The following SELENOI variants were observed in gnomAD, a reference collection of about 807,000 sequenced individuals.
SELENOI encodes the protein ethanolaminephosphotransferase 1.
Under a neutral mutation model 50.7 loss-of-function variants are expected in SELENOI, and 24 were observed. The observed-to-expected ratio is 0.47, with a 90% CI of 0.34 to 0.67. The LOEUF (loss-of-function observed/expected upper bound fraction) is 0.67. SELENOI is among the 30% of genes least tolerant of loss of function. The pLI is 0.01. For missense variants in SELENOI, 352 were observed against 461.4 expected, an observed-to-expected ratio of 0.76 and a Z score of 2.17; for synonymous variants, 155 against 170.2, an observed-to-expected ratio of 0.91 and a Z score of 0.70.
intron 4 of SELENOI, among the ~76,000 whole-genome samples, chr2:26,368,371 A>G (rs1276247047): frequency 6.6e-6 from 1 of 152,202 alleles, no homozygotes; most frequent in Non-Finnish European, 1.5e-5. Flanking sequence ...AAAAGTTGAG[A>G]GTGGCTGTGA....
chr2:26,386,523 A>T lies in SELENOI; in HGVS notation c.1082A>T (p.Tyr361Phe). Residue 361 changes from tyrosine (Y) to phenylalanine (F), a missense_variant, in exon 9 of 10, where the codon TAT becomes TTT. Coordinates refer to ENST00000260585, the MANE Select transcript of SELENOI (RefSeq NM_033505.4). ...TTAFTLAHIH[Y>F]GVRVVKQLSS... ...GCTTTTACTCTGGCCCACATCCATT[A>T]TGGAGTACGAGTGGTGAGTAATCTA... 1 of 1,610,152 alleles carries T rather than the reference A, an allele frequency of 6.2e-7. No individual in the cohort carries two copies. Among genetic ancestry groups the T allele is most frequent in the Non-Finnish European group, 8.5e-7 (1 of 1,178,450 alleles).
Position 26,393,381 on chromosome 2 carries a change from C to G in SELENOI, c.*4278C>G, listed in dbSNP as rs1558425703. On this transcript the variant is annotated 3_prime_UTR_variant, in exon 10 of 10. Coordinates refer to ENST00000260585, the MANE Select transcript of SELENOI (RefSeq NM_033505.4). ...AAATATGCAATAGATAGTAATCTAT[C>G]TACTTTTTTTAAAGCAGGGATCTGC... The G allele has an allele frequency of 6.6e-6, 1 of 152,592 alleles. No homozygotes were observed. Among genetic ancestry groups the G allele is most frequent in the Non-Finnish European group, 1.5e-5 (1 of 68,018 alleles). 9.5% of individuals were successfully genotyped at this position (152,592 alleles called of 1,614,324 possible).
At chr2:26,365,028 T>C in intron 3 of SELENOI, 88 bp downstream of exon 3, 1 of 984,230 alleles carries the variant, frequency 1.0e-6, no homozygotes, top group Non-Finnish European at 1.4e-6. Flanking sequence ...AAAATGTTCA[T>C]ATTTCTAAAA....
At chr2:26,362,134 C>T (rs1281101996) in intron 1 of SELENOI, among the ~76,000 whole-genome samples, 4 of 152,008 alleles carry the variant, frequency 2.6e-5, no homozygotes, top group African/African-American at 4.8e-5. Context: ...CTTGCTCTGT[C>T]GCCCAGGCTG....
rs539044873 is a variant in SELENOI, at chr2:26,362,753, C to G, written c.58-1549C>G. Among the ~76,000 whole-genome samples, 188 of 141,558 alleles carry G rather than the reference C, an allele frequency of 1.3e-3. 1 individual carries two copies. The highest frequency in any genetic ancestry group is 4.7e-3 in the African/African-American group (178 of 38,114). 92.9% of individuals were successfully genotyped at this position (141,558 alleles called of 152,430 possible). A position where few individuals can be genotyped will look rare whatever the true frequency, so the allele number is the denominator to read the frequency against. ...CCTGGGTGACAGAGCGACTCTGTCT[C>G]AAAAAAAAGAAAAAAAAAAGAAAAA... On this transcript the variant is annotated intron_variant, in intron 1 of 9. Coordinates refer to ENST00000260585, the MANE Select transcript of SELENOI (RefSeq NM_033505.4).
intron 7 of SELENOI, among the ~76,000 whole-genome samples, chr2:26,383,921 G>A (rs1677783343): frequency 1.3e-5 from 2 of 152,154 alleles, no homozygotes; most frequent in Admixed American, 1.3e-4. Context: ...AATGTGTGTA[G>A]TTTAGGACCA....
intron 1 of SELENOI, chr2:26,346,600 A>T (rs977390890): frequency 4.2e-6 from 1 of 238,694 alleles, no homozygotes; most frequent in Non-Finnish European, 8.1e-6. Context: ...CCCCGAAAGG[A>T]TGGAGTTCCT....
intron 6 of SELENOI, among the ~76,000 whole-genome samples, chr2:26,382,398 T>A (rs1572336729): frequency 6.6e-6 from 1 of 152,174 alleles, no homozygotes; most frequent in Non-Finnish European, 1.5e-5. Flanking sequence ...TAGTGGATAG[T>A]CAACCAAGGC....
chr2:26,349,776 A>T (rs1200066247), intron 1 of SELENOI, among the ~76,000 whole-genome samples: 1 of 134,932 alleles, frequency 7.4e-6, no homozygotes, highest in Non-Finnish European at 1.5e-5. Context: ...TGCCTAAGGG[A>T]GGAAATATTC....
intron 1 of SELENOI, among the ~76,000 whole-genome samples, chr2:26,356,632 T>C (rs1677070017): frequency 6.6e-6 from 1 of 152,170 alleles, no homozygotes; most frequent in Non-Finnish European, 1.5e-5. Flanking sequence ...AAACCCATAA[T>C]TGTCACTTGC....
chr2:26,369,492 C>G (rs1677362957), intron 4 of SELENOI, among the ~76,000 whole-genome samples: 1 of 152,090 alleles, frequency 6.6e-6, no homozygotes, highest in Non-Finnish European at 1.5e-5. Flanking sequence ...TCTTCTTGTC[C>G]TTAGGCCTTA....
At chr2:26,381,198 C>CTTTTTTTTGTTTTTTTTTTTTTTT (rs1677689983) in intron 6 of SELENOI, among the ~76,000 whole-genome samples, 1 of 30,188 alleles carries the variant, frequency 3.3e-5, no homozygotes, top group African/African-American at 1.8e-4. Context: ...TCAGTTTGGT[C>CTTTTTTTTGTTTTTTTTTTTTTTT]TTTTTTTTTT....
chr2:26,370,387 C>T (rs977755114), intron 4 of SELENOI, among the ~76,000 whole-genome samples: 4 of 151,402 alleles, frequency 2.6e-5, no homozygotes, highest in African/African-American at 7.3e-5. Context: ...ACCTCCCAGA[C>T]GGGGTGGTGG....
rs397726675 is a variant in SELENOI at position 26,391,721 on chromosome 2, A to AT, written c.*2618_*2619insT. ...TCTTTTTAGGTTATGGTATTAAAAAAGTCGTTTCAGGCTTATCAGATAATA... is the reference window on the plus strand; with the variant it reads ...TCTTTTTAGGTTATGGTATTAAAAAATGTCGTTTCAGGCTTATCAGATAATA... On this transcript the variant is annotated 3_prime_UTR_variant, in exon 10 of 10. Transcript: ENST00000260585. The AT allele has an allele frequency of 5.3e-5, 8 of 151,526 alleles. No individual in the cohort carries two copies. The highest frequency in any genetic ancestry group is 1.0e-4 in the Non-Finnish European group (7 of 67,868). 9.4% of individuals were successfully genotyped at this position (151,526 alleles called of 1,614,324 possible).
chr2:26,380,281 CTT>C (rs1486721997), intron 6 of SELENOI, among the ~76,000 whole-genome samples: 17 of 152,232 alleles, frequency 1.1e-4, no homozygotes, highest in Admixed American at 3.3e-4. Flanking sequence ...TATGGCTTAT[CTT>C]TTCATTGTTT....
At chr2:26,380,524 C>T (rs762345949) in intron 6 of SELENOI, among the ~76,000 whole-genome samples, 1 of 152,158 alleles carries the variant, frequency 6.6e-6, no homozygotes, top group Non-Finnish European at 1.5e-5. Flanking sequence ...GTCCAACCAT[C>T]CCCCTATCAA....
chr2:26,363,171 A>G (rs72852731), intron 1 of SELENOI, among the ~76,000 whole-genome samples: 176 of 152,302 alleles, frequency 1.2e-3, no homozygotes, highest in African/African-American at 4.0e-3. Flanking sequence ...TACTTAAAAC[A>G]TATGTAATTA....
Position 26,386,863 on chromosome 2 carries a change from G to A in SELENOI, c.1095+327G>A, listed in dbSNP as rs563845654. ...TGTAAACTGAGCCTTTAGTTATATG[G>A]GATCAGATAATCACATTTGTTAATT... On this transcript the variant is annotated intron_variant, in intron 9 of 9. Transcript: ENST00000260585. Among the ~76,000 whole-genome samples the A allele has an allele frequency of 3.3e-5, 5 of 152,200 alleles. No homozygotes were observed. In the South Asian group the frequency reaches 1.0e-3, roughly 32 times the overall value.
intron 9 of SELENOI, among the ~76,000 whole-genome samples, chr2:26,387,515 A>AC (rs1342201094): frequency 6.6e-6 from 1 of 150,756 alleles, no homozygotes; most frequent in Non-Finnish European, 1.5e-5. Context: ...ACAGTGTGAA[A>AC]CCCTGTCTCT....
Sources: allele counts gnomAD v4.1 joint callset (sites outside exome capture counted in the v4.1 genomes callset), GRCh38; gene constraint gnomAD v4.1.1; transcripts MANE v1.5; gene names NCBI Gene and HGNC (gene_info 2026-07-23, HGNC 2026-07-21).